The following KCNG3 variants were observed in gnomAD, a reference collection of about 807,000 sequenced individuals.
The protein encoded by KCNG3 is potassium voltage-gated channel modifier subfamily G member 3.
A neutral mutation model predicts 29.0 loss-of-function variants in KCNG3; 15 were observed. That is an observed-to-expected ratio of 0.52 (90% CI 0.35 to 0.80). The LOEUF (loss-of-function observed/expected upper bound fraction) is 0.80. Ranked by LOEUF, KCNG3 falls within the 30% of genes least tolerant of loss-of-function variation. KCNG3 has a pLI of 0.01. For missense variants in KCNG3, 512 were observed against 605.7 expected, an observed-to-expected ratio of 0.85 and a Z score of 1.62; for synonymous variants, 322 against 248.9, an observed-to-expected ratio of 1.29 and a Z score of -2.76.
the KCNG3 span, among the ~76,000 whole-genome samples, chr2:42,430,759 A>T: frequency 6.6e-6 from 1 of 152,128 alleles, no homozygotes; most frequent in Non-Finnish European, 1.5e-5. Context: ...GTTTCAAAAC[A>T]AAACAAAACA....
chr2:42,409,699 CAAAAA>C, the KCNG3 span, among the ~76,000 whole-genome samples: 16 of 51,988 alleles, frequency 3.1e-4, no homozygotes, highest in East Asian at 1.0e-3. Flanking sequence ...GTGCCTGTCT[CAAAAA>C]AAAAAAAAAA....
chr2:42,426,970 A>AAAATGTACAATGTAAGTAC, the KCNG3 span, among the ~76,000 whole-genome samples: 1 of 152,264 alleles, frequency 6.6e-6, no homozygotes, highest in South Asian at 2.1e-4. Flanking sequence ...CAAATGTCAG[A>AAAATGTACAATGTAAGTAC]AAATGTAAAG....
At position 42,493,343 on chromosome 2, in the gene KCNG3, G is replaced by A; in HGVS notation, c.159C>T (p.Asp53=). The A allele has an allele frequency of 6.3e-7, 1 of 1,599,192 alleles. No homozygotes were observed. The highest frequency in any genetic ancestry group is 8.5e-7 in the Non-Finnish European group (1 of 1,173,072). ...AGTACTCGTTGCGCTCGCGGTCGTA[G>A]TCGTCGCACACCTCGAGCACGTCGC... The part of the protein sequence containing the change: ...SERDVLEVCD[D]YDRERNEYFF... The change falls in exon 1 of 2, where the codon GAC becomes GAT. Residue 53 remains aspartate, a synonymous_variant. Coordinates refer to ENST00000306078, the MANE Select transcript of KCNG3 (RefSeq NM_133329.6).
At chr2:42,463,975 G>A (rs1418868980) in intron 1 of KCNG3, 2 of 316,064 alleles carry the variant, frequency 6.3e-6, no homozygotes, top group African/African-American at 4.5e-5. Context: ...GCCAAGATCA[G>A]CGTACGTGGG....
intron 1 of KCNG3, among the ~76,000 whole-genome samples, chr2:42,452,203 G>C (rs545001389): frequency 7.1e-6 from 1 of 139,960 alleles, no homozygotes; most frequent in African/African-American, 2.6e-5. Context: ...AATCACATCA[G>C]GGTAAATGGG....
the KCNG3 span, among the ~76,000 whole-genome samples, chr2:42,396,209 G>A: frequency 2.0e-5 from 3 of 152,116 alleles, no homozygotes; most frequent in Non-Finnish European, 4.4e-5. Flanking sequence ...TTGCATCATT[G>A]CAAATTCAAA....
the KCNG3 span, among the ~76,000 whole-genome samples, chr2:42,389,256 A>T: frequency 5.9e-5 from 9 of 152,196 alleles, no homozygotes; most frequent in African/African-American, 2.2e-4. Context: ...ATCACTTAAC[A>T]GTGTATGATC....
chr2:42,428,222 G>A, the KCNG3 span, among the ~76,000 whole-genome samples: 1 of 151,536 alleles, frequency 6.6e-6, no homozygotes, highest in Non-Finnish European at 1.5e-5. Context: ...CACTTTGGGA[G>A]GCCGAGGCAG....
At chr2:42,401,599 G>A in the KCNG3 span, among the ~76,000 whole-genome samples, 10 of 152,004 alleles carry the variant, frequency 6.6e-5, no homozygotes, top group South Asian at 4.2e-4. Context: ...ACACAACTGC[G>A]CCTAACTAAT....
At chr2:42,388,980 G>C in the KCNG3 span, among the ~76,000 whole-genome samples, 1 of 152,030 alleles carries the variant, frequency 6.6e-6, no homozygotes, top group Non-Finnish European at 1.5e-5. Context: ...TGCAGTGGCA[G>C]GATCTCGGCT....
chr2:42,479,460 C>A (rs899085037), intron 1 of KCNG3, among the ~76,000 whole-genome samples: 1 of 150,184 alleles, frequency 6.7e-6, no homozygotes. Context: ...TTCTGGGCAA[C>A]TGAGCAAAAC....
chr2:42,392,064 G>C, the KCNG3 span, among the ~76,000 whole-genome samples: 2 of 152,174 alleles, frequency 1.3e-5, no homozygotes, highest in African/African-American at 4.8e-5. Flanking sequence ...TAGAGCATCT[G>C]AAATTCGCTA....
downstream of KCNG3, among the ~76,000 whole-genome samples, chr2:42,439,709 C>T (rs559566997): frequency 5.9e-5 from 9 of 151,534 alleles, no homozygotes; most frequent in South Asian, 4.2e-4. Context: ...TGCAAAGGCG[C>T]GATCTCGGCT....
At chr2:42,403,419 A>T in the KCNG3 span, among the ~76,000 whole-genome samples, 1 of 151,010 alleles carries the variant, frequency 6.6e-6, no homozygotes, top group Non-Finnish European at 1.5e-5. Context: ...CTAGGATTAC[A>T]GGCATGAGCC....
chr2:42,451,078 G>A (rs913968018), intron 1 of KCNG3, among the ~76,000 whole-genome samples: 18 of 151,406 alleles, frequency 1.2e-4, no homozygotes, highest in Admixed American at 1.1e-3. Flanking sequence ...GGTGGCAGGC[G>A]CCTGTAATCC....
At chr2:42,441,232 T>C (rs921906227), downstream of KCNG3, among the ~76,000 whole-genome samples, 2 of 150,842 alleles carry the variant, frequency 1.3e-5, no homozygotes, top group African/African-American at 4.9e-5. Context: ...AAAATAAAAA[T>C]TAAAAAATTA....
At chr2:42,406,509 C>A in the KCNG3 span, among the ~76,000 whole-genome samples, 3 of 150,824 alleles carry the variant, frequency 2.0e-5, no homozygotes, top group African/African-American at 7.3e-5. Context: ...ATAAAGCCAC[C>A]GCACCAGGCC....
chr2:42,403,478 T>TTTG, the KCNG3 span, among the ~76,000 whole-genome samples: 2 of 58,032 alleles, frequency 3.4e-5, no homozygotes, highest in South Asian at 1.4e-3. Context: ...TTCTTTTCTG[T>TTTG]TTTTTTTTTT....
chr2:42,487,461 T>A (rs1283777589), intron 1 of KCNG3, among the ~76,000 whole-genome samples: 2 of 150,716 alleles, frequency 1.3e-5, no homozygotes, highest in African/African-American at 4.9e-5. Context: ...ACTAAGAAAG[T>A]CATTGACAAA....
Sources: gnomAD v4.1 joint callset for allele counts (sites outside exome capture counted in the v4.1 genomes callset) on GRCh38, gnomAD v4.1.1 for gene constraint, MANE v1.5 for transcripts, NCBI Gene and HGNC (gene_info 2026-07-23, HGNC 2026-07-21) for gene names.